The following GRM3 variants were observed in gnomAD, a reference collection of about 807,000 sequenced individuals.
GRM3 encodes glutamate metabotropic receptor 3.
GRM3 carries 26 observed loss-of-function variants against 70.5 expected under a neutral mutation model. The ratio of observed to expected loss-of-function variants is 0.37; its 90% CI spans 0.27 to 0.51. GRM3 has a LOEUF of 0.51. GRM3 is among the 20% of genes least tolerant of loss of function. The probability of loss-of-function intolerance (pLI) is 0.93; values close to 1 mark genes in which losing one functional copy is unlikely to be tolerated. For synonymous variants in GRM3, 443 were observed against 434.9 expected (o/e 1.02, Z -0.23); for missense variants, 859 against 1,123.8 (o/e 0.76, Z 3.37).
intron 3 of GRM3, among the ~76,000 whole-genome samples, chr7:86,827,737 C>T (rs1175625526): frequency 2.0e-5 from 3 of 152,148 alleles, no homozygotes; most frequent in Non-Finnish European, 4.4e-5. Flanking sequence ...TGGTCTCAAA[C>T]TCCTGACCTC....
chr7:86,817,709 T>C (rs749792968), intron 3 of GRM3, among the ~76,000 whole-genome samples: 3 of 152,042 alleles, frequency 2.0e-5, no homozygotes, highest in Admixed American at 6.6e-5. Context: ...CTTGCAGTAA[T>C]ATTAAAGCAC....
intron 4 of GRM3, among the ~76,000 whole-genome samples, chr7:86,848,433 G>C (rs373368023): frequency 9.9e-5 from 15 of 152,154 alleles, no homozygotes; most frequent in African/African-American, 3.6e-4. Context: ...TCCACACATG[G>C]AAAGATACAT....
At chr7:86,736,252 A>G (rs1174639937) in intron 1 of GRM3, among the ~76,000 whole-genome samples, 1 of 152,180 alleles carries the variant, frequency 6.6e-6, no homozygotes, top group Non-Finnish European at 1.5e-5. Context: ...CGAGGAAAAG[A>G]TCCAAAGTGA....
intron 1 of GRM3, among the ~76,000 whole-genome samples, chr7:86,667,682 T>C (rs1342782286): frequency 6.6e-6 from 1 of 152,160 alleles, no homozygotes; most frequent in East Asian, 1.9e-4. Context: ...ATCATTCTTG[T>C]GCATTGGCCC....
chr7:86,717,665 C>T (rs896197392), intron 1 of GRM3, among the ~76,000 whole-genome samples: 5 of 151,938 alleles, frequency 3.3e-5, no homozygotes, highest in African/African-American at 4.8e-5. Flanking sequence ...AAATGCCTTG[C>T]TCTAAAGGCA....
intron 3 of GRM3, among the ~76,000 whole-genome samples, chr7:86,789,148 A>T (rs546393028): frequency 6.6e-6 from 1 of 152,344 alleles, no homozygotes; most frequent in African/African-American, 2.4e-5. Context: ...GTGCTATTTT[A>T]GCCTTCTCAA....
intron 5 of GRM3, among the ~76,000 whole-genome samples, chr7:86,861,528 T>G (rs1202627310): frequency 6.6e-6 from 1 of 152,122 alleles, no homozygotes; most frequent in Non-Finnish European, 1.5e-5. Flanking sequence ...TTAAATTAAG[T>G]GGCCTGATGA....
intron 1 of GRM3, among the ~76,000 whole-genome samples, chr7:86,672,295 C>T (rs187612734): frequency 6.6e-6 from 1 of 152,208 alleles, no homozygotes; most frequent in East Asian, 1.9e-4. Flanking sequence ...TTGCCTTATC[C>T]TCTATTCCAC....
chr7:86,689,853 A>G (rs1794656404), intron 1 of GRM3, among the ~76,000 whole-genome samples: 1 of 152,116 alleles, frequency 6.6e-6, no homozygotes, highest in African/African-American at 2.4e-5. Context: ...ATTTTCATAA[A>G]ATCCCCTATA....
chr7:86,785,851 C>A (rs1797224356), intron 2 of GRM3, among the ~76,000 whole-genome samples: 1 of 152,054 alleles, frequency 6.6e-6, no homozygotes, highest in African/African-American at 2.4e-5. Context: ...CTTGCTCTTT[C>A]TATACAAGTG....
At chr7:86,742,104 C>T (rs1796003723) in intron 1 of GRM3, among the ~76,000 whole-genome samples, 1 of 152,208 alleles carries the variant, frequency 6.6e-6, no homozygotes, top group African/African-American at 2.4e-5. Flanking sequence ...GGCTTGTTCA[C>T]TAGCATGTTT....
intron 1 of GRM3, among the ~76,000 whole-genome samples, chr7:86,646,005 G>T (rs1584135039): frequency 2.4e-5 from 1 of 42,408 alleles, no homozygotes; most frequent in African/African-American, 8.4e-5. Flanking sequence ...GGGTGGGGGG[G>T]TGGGGGGGGG....
At chr7:86,713,443 A>T (rs1295373648) in intron 1 of GRM3, among the ~76,000 whole-genome samples, 1 of 151,874 alleles carries the variant, frequency 6.6e-6, no homozygotes, top group Non-Finnish European at 1.5e-5. Flanking sequence ...TGTAACTATC[A>T]CCTTCCTCCA....
intron 5 of GRM3, among the ~76,000 whole-genome samples, chr7:86,860,500 G>A (rs528549757): frequency 5.3e-5 from 8 of 152,250 alleles, no homozygotes; most frequent in South Asian, 2.1e-4. Context: ...AGTTCCCTTC[G>A]ACACATTAAA....
At chr7:86,804,705 C>G (rs1797752058) in intron 3 of GRM3, among the ~76,000 whole-genome samples, 2 of 152,206 alleles carry the variant, frequency 1.3e-5, no homozygotes, top group Non-Finnish European at 2.9e-5. Flanking sequence ...ACCACTGCAC[C>G]TGGCCCAGAT....
At position 86,779,249 on chromosome 7, in the gene GRM3, G is replaced by A. The variant is rs189972902; in HGVS notation, c.469-7012G>A. ...CAAGTGGTGTGAGTTGATTCCTGAA[G>A]GTCTAAATCAATTCCTTGTCTTATG... On this transcript the variant is annotated intron_variant, in intron 2 of 5. Transcript: ENST00000361669. Among the ~76,000 whole-genome samples, 758 of 152,218 alleles carry A rather than the reference G, an allele frequency of 5.0e-3. 6 individuals are homozygous for A. The highest frequency in any genetic ancestry group is 7.4e-3 in the Non-Finnish European group (504 of 68,008).
intron 1 of GRM3, among the ~76,000 whole-genome samples, chr7:86,715,461 G>A (rs1795292324): frequency 6.6e-6 from 1 of 151,880 alleles, no homozygotes; most frequent in Admixed American, 6.6e-5. Flanking sequence ...GCATTTTAAG[G>A]AAGGTGTCTT....
chr7:86,832,059 C>T (rs1038654688), intron 3 of GRM3, among the ~76,000 whole-genome samples: 9 of 151,982 alleles, frequency 5.9e-5, no homozygotes, highest in Admixed American at 2.6e-4. Flanking sequence ...GCATGAGGTT[C>T]GTAAAATATT....
chr7:86,651,870 C>T (rs1213295753), intron 1 of GRM3, among the ~76,000 whole-genome samples: 1 of 152,194 alleles, frequency 6.6e-6, no homozygotes, highest in African/African-American at 2.4e-5. Context: ...TCACTACCTT[C>T]CTTGGTTCAT....
Sources: gnomAD v4.1 joint callset for allele counts (sites outside exome capture counted in the v4.1 genomes callset) on GRCh38, gnomAD v4.1.1 for gene constraint, MANE v1.5 for transcripts, NCBI Gene and HGNC (gene_info 2026-07-23, HGNC 2026-07-21) for gene names.